The following TENM1 variants were observed in gnomAD, a reference collection of about 807,000 sequenced individuals.
TENM1 encodes teneurin transmembrane protein 1.
In TENM1, 35 loss-of-function variants were observed where a neutral mutation model predicts 174.8. That is an observed-to-expected ratio of 0.20 (90% CI 0.15 to 0.27). The LOEUF (loss-of-function observed/expected upper bound fraction) is 0.27. TENM1 is among the 10% of genes least tolerant of loss of function. The probability of loss-of-function intolerance (pLI) is 1.00; values close to 1 mark genes in which losing one functional copy is unlikely to be tolerated. For synonymous variants in TENM1, 781 were observed against 798.7 expected (o/e 0.98, Z 0.37); for missense variants, 1,633 against 2,130.1 (o/e 0.77, Z 4.59).
chrX:125,118,478 C>T, the TENM1 span, among the ~76,000 whole-genome samples: 1 of 111,559 alleles, frequency 9.0e-6, no homozygotes, highest in Non-Finnish European at 1.9e-5. Flanking sequence ...AAAAGGCAAG[C>T]CATACACTGG....
At chrX:124,520,185 T>G (rs2047808994) in intron 18 of TENM1, among the ~76,000 whole-genome samples, 1 of 112,099 alleles carries the variant, frequency 8.9e-6, no homozygotes, top group African/African-American at 3.2e-5. Context: ...ACAGTCTAAA[T>G]GTCAAATCCA....
chrX:124,612,560 G>A (rs1188714528), intron 11 of TENM1, among the ~76,000 whole-genome samples: 1 of 111,338 alleles, frequency 9.0e-6, no homozygotes, highest in African/African-American at 3.3e-5. Context: ...TAACAAGCAA[G>A]CCATTTTTTT....
At chrX:124,996,457 A>G in the TENM1 span, among the ~76,000 whole-genome samples, 1 of 108,862 alleles carries the variant, frequency 9.2e-6, no homozygotes, top group Non-Finnish European at 1.9e-5. Flanking sequence ...TTAGAAACCC[A>G]GCAGCTGCTT....
intron 30 of TENM1, among the ~76,000 whole-genome samples, chrX:124,383,415 A>T (rs1274558911): frequency 1.8e-5 from 2 of 112,292 alleles, no homozygotes; most frequent in African/African-American, 6.5e-5. Flanking sequence ...AGTAAAACAC[A>T]GAAACAGCTA....
the TENM1 span, among the ~76,000 whole-genome samples, chrX:125,077,366 G>A: frequency 1.4e-4 from 15 of 110,489 alleles, no homozygotes; most frequent in East Asian, 1.7e-3. Context: ...ATTTTTTTGC[G>A]AATTAAGACC....
chrX:124,849,464 G>A (rs1429280427), intron 3 of TENM1, among the ~76,000 whole-genome samples: 1 of 101,611 alleles, frequency 9.8e-6, no homozygotes, highest in Non-Finnish European at 1.9e-5. Flanking sequence ...AGACAAAGCT[G>A]CCATGCTGTG....
At chrX:125,081,535 C>T in the TENM1 span, among the ~76,000 whole-genome samples, 1 of 111,021 alleles carries the variant, frequency 9.0e-6, no homozygotes, top group Non-Finnish European at 1.9e-5. Context: ...TCCCTGATTC[C>T]TCTTTCCCTC....
chrX:125,151,393 A>G, the TENM1 span, among the ~76,000 whole-genome samples: 4 of 112,104 alleles, frequency 3.6e-5, no homozygotes, highest in Admixed American at 2.8e-4. Context: ...AATGACACAG[A>G]TGAACTGTTT....
At chrX:124,472,510 C>A (rs1408818599) in intron 22 of TENM1, among the ~76,000 whole-genome samples, 1 of 106,834 alleles carries the variant, frequency 9.4e-6, no homozygotes, top group African/African-American at 3.4e-5. Flanking sequence ...GCTGAAGTGG[C>A]CAAAAATGGA....
chrX:124,401,185 TTC>T lies in TENM1; in HGVS notation c.5391+3844_5391+3845del, dbSNP rs1243810309. 1.2e-4 allele frequency among the ~76,000 whole-genome samples: 13 copies of T among 111,985 alleles called. No homozygotes were observed. In the East Asian group the frequency reaches 3.6e-3, roughly 31 times the overall value. ...AGGTCTATCCTTTTCTGATTTTTTT[TTC>T]TTTCCAGCTAAAAGGTCTGGGGGAG... On this transcript the variant is annotated intron_variant, in intron 27 of 31. Coordinates refer to ENST00000422452, the Ensembl canonical transcript of TENM1.
chrX:125,170,355 C>T, the TENM1 span, among the ~76,000 whole-genome samples: 1 of 111,448 alleles, frequency 9.0e-6, no homozygotes, highest in Non-Finnish European at 1.9e-5. Flanking sequence ...AGTCTCCATT[C>T]CAAGCTTTGC....
the TENM1 span, among the ~76,000 whole-genome samples, chrX:125,185,430 T>C: frequency 1.8e-5 from 2 of 112,238 alleles, no homozygotes; most frequent in Non-Finnish European, 3.8e-5. Context: ...AGCCTGCATA[T>C]TTGTTTTTGC....
At chrX:124,555,217 A>C (rs2048667776) in intron 14 of TENM1, among the ~76,000 whole-genome samples, 2 of 111,465 alleles carry the variant, frequency 1.8e-5, no homozygotes, top group Admixed American at 9.5e-5. Context: ...CATGCCTTTT[A>C]CTTTAGAGCC....
chrX:125,162,194 A>G, the TENM1 span, among the ~76,000 whole-genome samples: 1 of 112,173 alleles, frequency 8.9e-6, no homozygotes. Flanking sequence ...TGGAAGAGTT[A>G]GACTGGATTC....
the TENM1 span, among the ~76,000 whole-genome samples, chrX:125,173,635 C>T: frequency 9.0e-6 from 1 of 111,110 alleles, no homozygotes; most frequent in South Asian, 3.8e-4. Flanking sequence ...CAGTCCCCTT[C>T]CCTCTTGTAG....
At chrX:124,734,491 G>C (rs1927888938) in intron 4 of TENM1, among the ~76,000 whole-genome samples, 1 of 106,269 alleles carries the variant, frequency 9.4e-6, no homozygotes, top group Admixed American at 1.0e-4. Context: ...AATAAATACA[G>C]AAACTCTATC....
chrX:125,102,090 A>T, the TENM1 span, among the ~76,000 whole-genome samples: 1 of 111,739 alleles, frequency 8.9e-6, no homozygotes, highest in African/African-American at 3.3e-5. Flanking sequence ...GAGAGAGATC[A>T]TTGAGCATTG....
the TENM1 span, among the ~76,000 whole-genome samples, chrX:125,200,654 T>TGTGAGAGA: frequency 6.3e-3 from 586 of 92,406 alleles, 6 homozygotes; most frequent in African/African-American, 0.021. Flanking sequence ...TGTGTGTGTG[T>TGTGAGAGA]GAGAGAGAGA....
chrX:124,824,583 C>T (rs892069606), intron 3 of TENM1, among the ~76,000 whole-genome samples: 1 of 111,872 alleles, frequency 8.9e-6, no homozygotes, highest in African/African-American at 3.3e-5. Flanking sequence ...TTGCATCCAG[C>T]TTGAGAGGTA....
Sources: allele counts gnomAD v4.1 joint callset (sites outside exome capture counted in the v4.1 genomes callset), GRCh38; gene constraint gnomAD v4.1.1; transcripts MANE v1.5; gene names NCBI Gene and HGNC (gene_info 2026-07-23, HGNC 2026-07-21).